Variants in KIAA1671 observed in about 807,000 individuals in gnomAD.
The protein encoded by KIAA1671 is uncharacterized protein KIAA1671.
A neutral mutation model predicts 131.2 loss-of-function variants in KIAA1671; 52 were observed. The observed-to-expected ratio is 0.40, with a 90% confidence interval of 0.32 to 0.50. The LOEUF is 0.50. KIAA1671 is among the 20% of genes least tolerant of loss of function. The pLI, the probability that KIAA1671 is intolerant of heterozygous loss-of-function variation, is 0.73. For missense variants in KIAA1671, 2,360 were observed against 2,364.2 expected, an observed-to-expected ratio of 1.00 and a Z score of 0.04; for synonymous variants, 1,003 against 961.6, an observed-to-expected ratio of 1.04 and a Z score of -0.80.
chr22:24,988,172 TGGGAGGCTGAGGCA>T (rs1409282789), intron 1 of KIAA1671, among the ~76,000 whole-genome samples: 1 of 151,042 alleles, frequency 6.6e-6, no homozygotes, highest in African/African-American at 2.4e-5. Flanking sequence ...CCCAGCTACT[TGGGAGGCTGAGGCA>T]GGAGAATCAC....
chr22:25,195,859 C>G lies in KIAA1671; in HGVS notation c.*3458C>G, dbSNP rs1934809832. On this transcript the variant is annotated 3_prime_UTR_variant, in exon 13 of 13. Coordinates refer to ENST00000358431, the MANE Select transcript of KIAA1671 (RefSeq NM_001145206.2). ...GTGATGGGGAGACATTCTGTGGTCT[C>G]TGAATGTGCCTTCCCCCTCACCGTG... is the stretch of plus-strand genomic sequence containing the variant. 1 of 152,044 alleles carries G rather than the reference C, an allele frequency of 6.6e-6. No homozygotes were observed. 9.4% of individuals were successfully genotyped at this position (152,044 alleles called of 1,614,324 possible).
intron 9 of KIAA1671, among the ~76,000 whole-genome samples, chr22:25,180,571 A>G (rs113733376): frequency 9.2e-5 from 14 of 151,748 alleles, no homozygotes; most frequent in East Asian, 1.9e-4. Context: ...TCTTCTTGCA[A>G]TGGAAACTAG....
At chr22:25,004,927 C>G (rs557925280) in intron 1 of KIAA1671, among the ~76,000 whole-genome samples, 1 of 150,882 alleles carries the variant, frequency 6.6e-6, no homozygotes, top group African/African-American at 2.4e-5. Flanking sequence ...GCCTGGGCAA[C>G]AGAGTGAGAT....
chr22:25,129,811 G>A (rs903216450), intron 6 of KIAA1671, among the ~76,000 whole-genome samples: 1 of 152,096 alleles, frequency 6.6e-6, no homozygotes, highest in Non-Finnish European at 1.5e-5. Flanking sequence ...ATAGGTGCAG[G>A]TTACCATGCC....
chr22:25,177,342 C>T lies in KIAA1671; in HGVS notation c.4900-6C>T, dbSNP rs372155063. The T allele has an allele frequency of 2.6e-6, 4 of 1,545,088 alleles. No homozygotes were observed. The highest frequency in any genetic ancestry group is 3.5e-6 in the Non-Finnish European group (4 of 1,142,946). On this transcript the variant is annotated splice_polypyrimidine_tract_variant and splice_region_variant and intron_variant, in intron 8 of 12. Coordinates refer to ENST00000358431, the MANE Select transcript of KIAA1671 (RefSeq NM_001145206.2). ...TTTTTCCTCTTCCTCCCTGCTGCTC[C>T]CAAAGCAAACCTCAGTCCTCGACTC...
chr22:25,029,615 T>C (rs1926162859), intron 3 of KIAA1671, 75 bp downstream of exon 3: 5 of 1,114,420 alleles, frequency 4.5e-6, no homozygotes, highest in Non-Finnish European at 6.2e-6. Flanking sequence ...CCAGGCTCCA[T>C]GCTGGGCACT....
intron 4 of KIAA1671, 134 bp from the exon 5 acceptor site, chr22:25,038,626 G>A (rs1218043153): frequency 1.5e-5 from 15 of 977,180 alleles, no homozygotes; most frequent in Non-Finnish European, 2.1e-5. Context: ...CACTGGGTGT[G>A]TTCATTCTTT....
intron 6 of KIAA1671, among the ~76,000 whole-genome samples, chr22:25,122,193 G>A (rs1468474739): frequency 1.3e-5 from 2 of 152,074 alleles, no homozygotes; most frequent in East Asian, 1.9e-4. Flanking sequence ...GGCGGGGCTC[G>A]GGCACCGGAC....
At chr22:25,148,752 A>AG (rs11374813) in intron 6 of KIAA1671, among the ~76,000 whole-genome samples, 69,222 of 151,956 alleles carry the variant, frequency 0.46, 17,265 homozygotes, top group African/African-American at 0.67. Context: ...GAGGTTTCTC[A>AG]CCCAGGATTC....
chr22:25,089,901 G>A (rs1016213044), intron 6 of KIAA1671, among the ~76,000 whole-genome samples: 1 of 152,178 alleles, frequency 6.6e-6, no homozygotes, highest in South Asian at 2.1e-4. Flanking sequence ...ATTGAACAGG[G>A]GTTTTCTAGG....
At chr22:25,060,088 G>A (rs1928079910) in intron 6 of KIAA1671, 2 of 152,186 alleles carry the variant, frequency 1.3e-5, no homozygotes, top group East Asian at 1.9e-4. Context: ...TGGTGGGGAG[G>A]AAGGAGCTTC....
intron 1 of KIAA1671, among the ~76,000 whole-genome samples, chr22:24,959,995 A>G (rs1569191926): frequency 1.3e-5 from 2 of 151,752 alleles, no homozygotes; most frequent in Non-Finnish European, 2.9e-5. Flanking sequence ...AAAATTAGCC[A>G]GGTGTGGTGG....
At chr22:25,095,043 C>T (rs552569453) in intron 6 of KIAA1671, among the ~76,000 whole-genome samples, 2 of 152,148 alleles carry the variant, frequency 1.3e-5, no homozygotes, top group South Asian at 2.1e-4. Context: ...ATGAGGAAGG[C>T]CCCCTCCAGA....
chr22:25,030,394 G>T (rs1181177384), intron 3 of KIAA1671, among the ~76,000 whole-genome samples: 1 of 152,052 alleles, frequency 6.6e-6, no homozygotes, highest in African/African-American at 2.4e-5. Context: ...AATTAGCCAG[G>T]CGTGGTGGCA....
At chr22:25,179,453 G>T (rs1473895582) in intron 9 of KIAA1671, 23 of 1,613,250 alleles carry the variant, frequency 1.4e-5, no homozygotes, top group Middle Eastern at 1.7e-4. Context: ...CTTCTCCTCC[G>T]CCTGGCGGCT....
chr22:25,165,017 G>GTGTGTGTCTGTGTC, intron 6 of KIAA1671, among the ~76,000 whole-genome samples: 1 of 147,058 alleles, frequency 6.8e-6, no homozygotes, highest in East Asian at 2.0e-4. Flanking sequence ...GTGTGTGTGT[G>GTGTGTGTCTGTGTC]TGTGTCTGTG....
intron 1 of KIAA1671, among the ~76,000 whole-genome samples, chr22:24,975,463 G>A (rs551241751): frequency 4.6e-5 from 7 of 152,130 alleles, no homozygotes; most frequent in South Asian, 4.2e-4. Flanking sequence ...GGGTGCAGGT[G>A]TGTGCCACCA....
intron 6 of KIAA1671, among the ~76,000 whole-genome samples, chr22:25,151,809 A>T (rs1310915368): frequency 1.3e-5 from 2 of 151,074 alleles, no homozygotes; most frequent in African/African-American, 4.9e-5. Context: ...TGCTATCTTG[A>T]CTCACTACAG....
intron 6 of KIAA1671, among the ~76,000 whole-genome samples, chr22:25,137,866 A>G (rs1475279234): frequency 6.6e-6 from 1 of 152,210 alleles, no homozygotes; most frequent in Non-Finnish European, 1.5e-5. Flanking sequence ...AGGCCCAGAG[A>G]GGTTAAGTGA....
Sources: gnomAD v4.1 joint callset for allele counts (sites outside exome capture counted in the v4.1 genomes callset) on GRCh38, gnomAD v4.1.1 for gene constraint, MANE v1.5 for transcripts, NCBI Gene and HGNC (gene_info 2026-07-23, HGNC 2026-07-21) for gene names.